The following ATP6V1H variants were observed in gnomAD, a reference collection of about 807,000 sequenced individuals.
The protein encoded by ATP6V1H is V-type proton ATPase subunit H.
A neutral mutation model predicts 71.7 loss-of-function variants in ATP6V1H; 39 were observed. The ratio of observed to expected loss-of-function variants is 0.54; its 90% confidence interval spans 0.42 to 0.71. ATP6V1H has a LOEUF of 0.71. ATP6V1H is among the 30% of genes least tolerant of loss of function. The probability of loss-of-function intolerance (pLI) is 0.00; values close to 1 mark genes in which losing one functional copy is unlikely to be tolerated. For missense variants in ATP6V1H, 509 were observed against 594.9 expected (o/e 0.86, Z 1.50); for synonymous variants, 192 against 199.3 (o/e 0.96, Z 0.31).
chr8:53,806,512 A>G (rs1810083020), intron 7 of ATP6V1H, among the ~76,000 whole-genome samples: 2 of 152,088 alleles, frequency 1.3e-5, no homozygotes, highest in Admixed American at 6.5e-5. Flanking sequence ...TTTCAATCTA[A>G]TGTGCTTAAT....
chr8:53,817,486 A>G lies in ATP6V1H; in HGVS notation c.351T>C (p.Cys117=). The G allele has an allele frequency of 6.2e-7, 1 of 1,613,828 alleles. No homozygotes were observed. Among genetic ancestry groups the G allele is most frequent in the Non-Finnish European group, 8.5e-7 (1 of 1,179,782 alleles). ...AGTAGGGCCACGCAGTGTTCTTGCT[A>G]CATCTTGCATAGTCAAAGAAAATGC... ...RVSIFFDYAR[C]SKNTAWPYFL... is the part of the protein sequence containing the mutation. The change falls in exon 5 of 14, where the codon TGT becomes TGC. Residue 117 remains cysteine (C), a synonymous_variant. Coordinates refer to ENST00000359530, the MANE Select transcript of ATP6V1H (RefSeq NM_015941.4).
At chr8:53,725,496 T>C (rs545881830) in intron 13 of ATP6V1H, among the ~76,000 whole-genome samples, 1 of 150,456 alleles carries the variant, frequency 6.6e-6, no homozygotes, top group Admixed American at 6.6e-5. Flanking sequence ...CTGTGGTTTG[T>C]CTAAGCACGC....
At chr8:53,769,045 A>G (rs981794799) in intron 11 of ATP6V1H, among the ~76,000 whole-genome samples, 3 of 152,168 alleles carry the variant, frequency 2.0e-5, no homozygotes, top group East Asian at 3.8e-4. Context: ...GTTCAATTAG[A>G]TATCTATGGA....
intron 2 of ATP6V1H, among the ~76,000 whole-genome samples, chr8:53,836,224 A>G (rs766605003): frequency 6.6e-6 from 1 of 152,166 alleles, no homozygotes; most frequent in Non-Finnish European, 1.5e-5. Flanking sequence ...TTTTACCCCT[A>G]AATTTTGCTA....
At chr8:53,818,829 T>C (rs1810538809) in intron 4 of ATP6V1H, among the ~76,000 whole-genome samples, 1 of 152,172 alleles carries the variant, frequency 6.6e-6, no homozygotes, top group Admixed American at 6.5e-5. Context: ...AAAAAAATTA[T>C]TATAAATAGC....
intron 11 of ATP6V1H, among the ~76,000 whole-genome samples, chr8:53,767,654 A>C (rs967568520): frequency 3.3e-5 from 5 of 152,228 alleles, no homozygotes; most frequent in Admixed American, 1.3e-4. Context: ...AGAGTTCAGA[A>C]ATAAACCCAT....
rs1424109547 is a variant in ATP6V1H, at chr8:53,756,600, GCAGCAA to G, written c.1226_1231del (p.Val409_Ala410del). ...CCGCACATATTCTCCAACATCGTGA[GCAGCAA>G]CAGCTAAGACTTGGGGATCATCTGA... On this transcript the variant is annotated inframe_deletion, in exon 12 of 14. Transcript: ENST00000359530. 6.2e-7 allele frequency: 1 copy of G among 1,614,094 alleles called. No individual in the cohort carries two copies. The highest frequency in any genetic ancestry group is 1.1e-5 in the South Asian group (1 of 91,074).
intron 10 of ATP6V1H, among the ~76,000 whole-genome samples, chr8:53,771,635 T>C (rs1808660181): frequency 6.6e-6 from 1 of 152,066 alleles, no homozygotes; most frequent in South Asian, 2.1e-4. Context: ...ACAAATACTT[T>C]CTCCATATAC....
At chr8:53,730,558 A>G (rs1285639491) in intron 13 of ATP6V1H, among the ~76,000 whole-genome samples, 2 of 152,164 alleles carry the variant, frequency 1.3e-5, no homozygotes, top group African/African-American at 4.8e-5. Flanking sequence ...TATTGCATCA[A>G]TGGACCTCAG....
intron 8 of ATP6V1H, among the ~76,000 whole-genome samples, chr8:53,801,373 G>C (rs746767101): frequency 6.6e-6 from 1 of 152,180 alleles, no homozygotes; most frequent in African/African-American, 2.4e-5. Context: ...GTATAAGCCT[G>C]AACAGGCAGC....
At chr8:53,718,220 CTT>C (rs1172615628) in intron 13 of ATP6V1H, among the ~76,000 whole-genome samples, 1 of 152,146 alleles carries the variant, frequency 6.6e-6, no homozygotes, top group Admixed American at 6.5e-5. Flanking sequence ...AAGAAACACT[CTT>C]GAAGTGGGGC....
chr8:53,749,460 A>G (rs563831667), intron 12 of ATP6V1H, among the ~76,000 whole-genome samples: 24 of 152,278 alleles, frequency 1.6e-4, no homozygotes, highest in African/African-American at 5.8e-4. Flanking sequence ...TTGACCCCAC[A>G]GCTTACTTTG....
intron 11 of ATP6V1H, among the ~76,000 whole-genome samples, chr8:53,764,586 G>C (rs575295061): frequency 6.6e-6 from 1 of 152,200 alleles, no homozygotes; most frequent in African/African-American, 2.4e-5. Flanking sequence ...ACTGAATAAT[G>C]AGAAACTAGA....
chr8:53,764,238 C>T (rs1052657035), intron 11 of ATP6V1H, among the ~76,000 whole-genome samples: 4 of 152,124 alleles, frequency 2.6e-5, no homozygotes, highest in African/African-American at 4.8e-5. Flanking sequence ...AGGAAATTTA[C>T]AGAGCACTAT....
At chr8:53,730,892 T>C (rs1428851077) in intron 13 of ATP6V1H, among the ~76,000 whole-genome samples, 1 of 152,178 alleles carries the variant, frequency 6.6e-6, no homozygotes, top group African/African-American at 2.4e-5. Context: ...TCTGGCTCTT[T>C]CATGATTTTG....
chr8:53,808,626 G>A (rs984170172), intron 7 of ATP6V1H, among the ~76,000 whole-genome samples: 5 of 151,872 alleles, frequency 3.3e-5, no homozygotes, highest in South Asian at 2.1e-4. Context: ...AAAAATTAGC[G>A]GGGCATGGTG....
At chr8:53,782,819 G>A (rs1357581568) in intron 9 of ATP6V1H, among the ~76,000 whole-genome samples, 2 of 152,082 alleles carry the variant, frequency 1.3e-5, no homozygotes, top group Non-Finnish European at 2.9e-5. Context: ...TTTGTCTTTG[G>A]TTCTGTTTAT....
chr8:53,738,738 A>G (rs1807315669), intron 13 of ATP6V1H, among the ~76,000 whole-genome samples: 1 of 152,176 alleles, frequency 6.6e-6, no homozygotes, highest in Non-Finnish European at 1.5e-5. Context: ...CTTTGCAACA[A>G]TCTGAGGTTT....
intron 5 of ATP6V1H, 91 bp from the exon 6 acceptor site, chr8:53,814,857 A>G (rs1199340309): frequency 2.4e-6 from 2 of 847,702 alleles, no homozygotes; most frequent in African/African-American, 1.7e-5. Context: ...CAATTTTGCT[A>G]CACAATTTCT....
Sources: allele counts gnomAD v4.1 joint callset (sites outside exome capture counted in the v4.1 genomes callset), GRCh38; gene constraint gnomAD v4.1.1; transcripts MANE v1.5; gene names NCBI Gene and HGNC (gene_info 2026-07-23, HGNC 2026-07-21).